Variants in GRK3 observed in about 807,000 individuals in gnomAD.
GRK3 encodes the protein G protein-coupled receptor kinase 3.
Under a neutral mutation model 95.7 loss-of-function variants are expected in GRK3, and 54 were observed. The ratio of observed to expected loss-of-function variants is 0.56; its 90% CI spans 0.45 to 0.71. The LOEUF is 0.71. Ranked by LOEUF, GRK3 falls within the 30% of genes least tolerant of loss-of-function variation. The pLI, the probability that GRK3 is intolerant of heterozygous loss-of-function variation, is 0.00. For missense variants in GRK3, 649 were observed against 851.2 expected, an observed-to-expected ratio of 0.76 and a Z score of 2.96; for synonymous variants, 281 against 290.8, an observed-to-expected ratio of 0.97 and a Z score of 0.34.
intron 11 of GRK3, among the ~76,000 whole-genome samples, chr22:25,688,104 CA>C (rs1326438382): frequency 6.6e-6 from 1 of 151,928 alleles, no homozygotes; most frequent in African/African-American, 2.4e-5. Context: ...GGCGTGGTGG[CA>C]GGTGCCTGTA....
At chr22:25,577,740 G>T (rs1931956390) in intron 1 of GRK3, among the ~76,000 whole-genome samples, 1 of 152,190 alleles carries the variant, frequency 6.6e-6, no homozygotes, top group Non-Finnish European at 1.5e-5. Flanking sequence ...TGAGATGTCA[G>T]AACTCTGATC....
At chr22:25,610,702 T>C (rs536514667) in intron 2 of GRK3, among the ~76,000 whole-genome samples, 2 of 152,352 alleles carry the variant, frequency 1.3e-5, no homozygotes, top group South Asian at 4.1e-4. Context: ...AGACATTTCA[T>C]AAAAATGGAA....
chr22:25,717,194 C>T (rs536254568), intron 18 of GRK3, among the ~76,000 whole-genome samples: 4 of 152,230 alleles, frequency 2.6e-5, no homozygotes, highest in South Asian at 2.1e-4. Context: ...ATGCAAACAC[C>T]ATGCCATTTT....
chr22:25,726,932 T>C lies in GRK3; in HGVS notation c.*4482T>C, dbSNP rs1048610652. The C allele has an allele frequency of 1.4e-4, 22 of 154,612 alleles. No homozygotes were observed. Among genetic ancestry groups the C allele is most frequent in the Middle Eastern group, 3.3e-3 (1 of 304 alleles). The allele number at this position is 154,612 out of a possible 1,614,324, so 9.6% of individuals were successfully genotyped here. A position where few individuals can be genotyped will look rare whatever the true frequency, so the allele number is the denominator to read the frequency against. On this transcript the variant is annotated 3_prime_UTR_variant, in exon 21 of 21. Coordinates refer to ENST00000324198, the MANE Select transcript of GRK3 (RefSeq NM_005160.4). ...CACCCCGTGTGTGTGTGTGTGTGTG[T>C]GTGTGTGTGTGTGTGTGTGTGTGTG...
At chr22:25,626,564 A>G (rs2084629764) in intron 2 of GRK3, among the ~76,000 whole-genome samples, 1 of 152,214 alleles carries the variant, frequency 6.6e-6, no homozygotes, top group Non-Finnish European at 1.5e-5. Context: ...AGGTATTCAC[A>G]ACTTACCAGA....
At chr22:25,647,960 T>G (rs1439384070) in intron 3 of GRK3, among the ~76,000 whole-genome samples, 2 of 150,268 alleles carry the variant, frequency 1.3e-5, no homozygotes, top group African/African-American at 4.9e-5. Flanking sequence ...AAAAAAAAAG[T>G]ACAAAATTAG....
rs373007827 is a variant in GRK3 at position 25,565,165 on chromosome 22, C to G, written c.113+12C>G. The G allele has an allele frequency of 1.4e-6, 2 of 1,460,812 alleles. No homozygotes were observed. The highest frequency in any genetic ancestry group is 2.5e-5 in the South Asian group (2 of 78,530). The allele number at this position is 1,460,812 out of a possible 1,614,324, so 90.5% of individuals were successfully genotyped here. On this transcript the variant is annotated intron_variant, in intron 1 of 20. Coordinates refer to ENST00000324198, the MANE Select transcript of GRK3 (RefSeq NM_005160.4). ...CTGCCGGAGCCCAGGTACCAGCTGC[C>G]CCGGCCGGCGCCGGCCCCAAGCCGC...
At chr22:25,653,250 A>G (rs2146393057) in intron 3 of GRK3, among the ~76,000 whole-genome samples, 1 of 152,372 alleles carries the variant, frequency 6.6e-6, no homozygotes, top group Middle Eastern at 3.4e-3. Flanking sequence ...GTAAAAGATT[A>G]GGTTTTTCAG....
chr22:25,699,871 T>C (rs1436246231), intron 13 of GRK3, among the ~76,000 whole-genome samples: 2 of 152,098 alleles, frequency 1.3e-5, no homozygotes, highest in Non-Finnish European at 2.9e-5. Context: ...GCTAATTTTT[T>C]GTATTTTTAG....
At chr22:25,590,428 A>T (rs757565771) in intron 1 of GRK3, among the ~76,000 whole-genome samples, 1 of 151,594 alleles carries the variant, frequency 6.6e-6, no homozygotes, top group Admixed American at 6.6e-5. Flanking sequence ...TTCTATCATT[A>T]TTTTCTCTTG....
Position 25,703,504 on chromosome 22 carries a change from C to A in GRK3, c.1161-6C>A. On this transcript the variant is annotated splice_region_variant and splice_polypyrimidine_tract_variant and intron_variant, in intron 13 of 20. Coordinates refer to ENST00000324198, the MANE Select transcript of GRK3 (RefSeq NM_005160.4). ...ATTTTGATAGAACAATTCTTTATTT[C>A]TACAGTCACAGCCCTTTCAGACAAC... 8.1e-6 allele frequency: 13 copies of A among 1,608,224 alleles called. No homozygotes were observed. The highest frequency in any genetic ancestry group is 1.1e-5 in the Non-Finnish European group (13 of 1,175,210).
intron 7 of GRK3, 152 bp from the exon 8 acceptor site, chr22:25,674,285 C>T (rs1308198894): frequency 3.7e-6 from 2 of 538,822 alleles, no homozygotes; most frequent in Non-Finnish European, 6.3e-6. Flanking sequence ...TGGGGCATCT[C>T]ATCCTTCAGC....
rs572935484 is a variant in GRK3, at chr22:25,678,562, G to A, written c.648-254G>A. ...TATTAGTCATAATAAAATTATTTAT[G>A]TCCATCTACTTTATCATTTATTTAA... On this transcript the variant is annotated intron_variant, in intron 8 of 20. Transcript: ENST00000324198. Among the ~76,000 whole-genome samples the A allele has an allele frequency of 3.2e-3, 485 of 152,300 alleles. 5 individuals carry two copies. The highest frequency in any genetic ancestry group is 3.7e-3 in the Non-Finnish European group (255 of 68,016).
chr22:25,700,876 G>A (rs889966372), intron 13 of GRK3, among the ~76,000 whole-genome samples: 1 of 152,190 alleles, frequency 6.6e-6, no homozygotes, highest in African/African-American at 2.4e-5. Context: ...GACCCACCGC[G>A]CCCGGCCTCT....
At chr22:25,583,097 C>G (rs1337150944) in intron 1 of GRK3, among the ~76,000 whole-genome samples, 1 of 152,112 alleles carries the variant, frequency 6.6e-6, no homozygotes. Context: ...TGGCTCTTGT[C>G]CTAGGGAAGA....
intron 19 of GRK3, among the ~76,000 whole-genome samples, chr22:25,720,721 C>T (rs887150756): frequency 1.3e-5 from 2 of 151,996 alleles, no homozygotes; most frequent in African/African-American, 2.4e-5. Context: ...GTGATGCACC[C>T]GCCTCGGCCT....
At chr22:25,636,960 T>C (rs1236631981) in intron 2 of GRK3, among the ~76,000 whole-genome samples, 1 of 152,206 alleles carries the variant, frequency 6.6e-6, no homozygotes, top group Non-Finnish European at 1.5e-5. Flanking sequence ...TGTGAGGATG[T>C]TTCTGGAAGA....
At position 25,721,279 on chromosome 22, in the gene GRK3, G is replaced by A. The variant is rs762977110; in HGVS notation, c.1792-5G>A. 1.3e-6 allele frequency: 2 copies of A among 1,492,576 alleles called. No homozygotes were observed. The highest frequency in any genetic ancestry group is 1.3e-5 in the South Asian group (1 of 79,578). 92.5% of individuals were successfully genotyped at this position (1,492,576 alleles called of 1,614,324 possible). A position where few individuals can be genotyped will look rare whatever the true frequency, so the allele number is the denominator to read the frequency against. On this transcript the variant is annotated splice_polypyrimidine_tract_variant and splice_region_variant and intron_variant, in intron 19 of 20. Transcript: ENST00000324198. Reference sequence around the variant, plus strand: ...TGAATTTTAAATTTCTGTTTTTATGGTTAGCAAAATTTACTGACAATGGAA... The same window carrying A: ...TGAATTTTAAATTTCTGTTTTTATGATTAGCAAAATTTACTGACAATGGAA...
At position 25,710,001 on chromosome 22, in the gene GRK3, C is replaced by T. The variant is rs201525727; in HGVS notation, c.1395+37C>T. 144 of 1,448,152 alleles carry T rather than the reference C, an allele frequency of 9.9e-5. No homozygotes were observed. The African/African-American group carries it at 1.0e-3, about 10-fold the overall frequency. 89.7% of individuals were successfully genotyped at this position (1,448,152 alleles called of 1,614,324 possible). ...CTCTTGACTCTACTTACGGTACTGC[C>T]GCCCCGCCCTTACCCGCTCATCTCT... On this transcript the variant is annotated intron_variant, in intron 16 of 20. Transcript: ENST00000324198.
Sources: allele counts gnomAD v4.1 joint callset (sites outside exome capture counted in the v4.1 genomes callset), GRCh38; gene constraint gnomAD v4.1.1; transcripts MANE v1.5; gene names NCBI Gene and HGNC (gene_info 2026-07-23, HGNC 2026-07-21).